AHCYL2: variants seen among roughly 807,000 people sequenced by gnomAD.
AHCYL2 encodes the protein adenosylhomocysteinase like 2, also known as S-adenosylhomocysteine hydrolase-like protein 2.
In AHCYL2, 28 loss-of-function variants were observed where a neutral mutation model predicts 81.4. The observed-to-expected ratio is 0.34, with a 90% CI of 0.25 to 0.47. The LOEUF (loss-of-function observed/expected upper bound fraction) is 0.47, where lower values mean the gene tolerates loss of function less well. Ranked by LOEUF, AHCYL2 falls within the 20% of genes least tolerant of loss-of-function variation. The pLI is 1.00. For missense variants in AHCYL2, 551 were observed against 785.1 expected (o/e 0.70, Z 3.56); for synonymous variants, 272 against 290.2 (o/e 0.94, Z 0.64).
intron 1 of AHCYL2, among the ~76,000 whole-genome samples, chr7:129,330,597 A>T (rs1336227891): frequency 4.0e-5 from 6 of 151,496 alleles, no homozygotes; most frequent in Non-Finnish European, 8.8e-5. Context: ...CAGCCTCCTG[A>T]GTAGCTGGGA....
At chr7:129,241,876 GAAAA>G (rs1306800689) in intron 1 of AHCYL2, among the ~76,000 whole-genome samples, 1 of 149,808 alleles carries the variant, frequency 6.7e-6, no homozygotes, top group Non-Finnish European at 1.5e-5. Flanking sequence ...AAGGGAGACA[GAAAA>G]AAAAAAAAAA....
intron 1 of AHCYL2, among the ~76,000 whole-genome samples, chr7:129,318,787 AT>A (rs57502201): frequency 0.038 from 5,528 of 147,088 alleles, 290 homozygotes; most frequent in African/African-American, 0.13. Flanking sequence ...AATAGACTGT[AT>A]TTTTTTTTTT....
chr7:129,277,791 C>T (rs778724430), intron 1 of AHCYL2, among the ~76,000 whole-genome samples: 2 of 152,152 alleles, frequency 1.3e-5, no homozygotes, highest in Non-Finnish European at 2.9e-5. Flanking sequence ...TTTTTCATTG[C>T]ATAGTAGTAC....
At chr7:129,377,492 G>A (rs1252363268) in intron 1 of AHCYL2, 1 of 455,148 alleles carries the variant, frequency 2.2e-6, no homozygotes, top group South Asian at 1.6e-5. Context: ...ATTTGGCATT[G>A]GTCCCTTGTC....
chr7:129,423,362 C>T (rs1797205607), intron 13 of AHCYL2, among the ~76,000 whole-genome samples: 1 of 152,170 alleles, frequency 6.6e-6, no homozygotes, highest in African/African-American at 2.4e-5. Flanking sequence ...GATAGATTCC[C>T]TGTTTTTGAA....
chr7:129,350,636 C>T (rs189368802), intron 1 of AHCYL2, among the ~76,000 whole-genome samples: 6 of 151,824 alleles, frequency 4.0e-5, no homozygotes, highest in South Asian at 2.1e-4. Flanking sequence ...CCTCCTGCCT[C>T]GGCCTTCCAA....
intron 1 of AHCYL2, among the ~76,000 whole-genome samples, chr7:129,268,174 T>G (rs1795883740): frequency 6.6e-6 from 1 of 152,216 alleles, no homozygotes; most frequent in African/African-American, 2.4e-5. Context: ...CAGTCATGAC[T>G]GATTTTTAAG....
chr7:129,413,662 G>A lies in AHCYL2; in HGVS notation c.1435G>A (p.Gly479Arg). Residue 479 changes from glycine (G) to arginine (R), a missense_variant, in exon 12 of 17, where the codon GGA becomes AGA. Physicochemically the swap from Gly to Arg is moderately radical, Grantham distance 125. This residue lies in a region of AHCYL2 where 316 missense variants were observed against 543.1 expected (regional missense o/e 0.58). Transcript: ENST00000325006. ...MKNSCIVCNM[G>R]HSNTEIDVAS... is the part of the protein sequence containing the mutation. ...GAATAGCTGCATCGTTTGTAACATG[G>A]GACATTCCAACACAGAGATTGACGT... The A allele has an allele frequency of 6.2e-7, 1 of 1,614,024 alleles. No homozygotes were observed. The highest frequency in any genetic ancestry group is 8.5e-7 in the Non-Finnish European group (1 of 1,180,008).
At chr7:129,290,652 C>T (rs772111219) in intron 1 of AHCYL2, among the ~76,000 whole-genome samples, 17 of 150,682 alleles carry the variant, frequency 1.1e-4, no homozygotes, top group African/African-American at 1.5e-4. Flanking sequence ...TGAATGTGGC[C>T]GGGCGTGGTG....
chr7:129,310,562 A>C (rs1028531831), intron 1 of AHCYL2, among the ~76,000 whole-genome samples: 1 of 152,216 alleles, frequency 6.6e-6, no homozygotes, highest in Non-Finnish European at 1.5e-5. Flanking sequence ...GAGGGGAATT[A>C]AGTGTTAAAT....
At chr7:129,335,949 TG>T (rs1338539737) in intron 1 of AHCYL2, among the ~76,000 whole-genome samples, 1 of 152,198 alleles carries the variant, frequency 6.6e-6, no homozygotes, top group African/African-American at 2.4e-5. Context: ...GGGGGCCACG[TG>T]TTTAAAACTG....
At chr7:129,398,679 G>A (rs1795868129) in intron 5 of AHCYL2, among the ~76,000 whole-genome samples, 2 of 151,602 alleles carry the variant, frequency 1.3e-5, no homozygotes, top group South Asian at 4.2e-4. Context: ...GCACCCGGCT[G>A]CCCCATTTTT....
intron 1 of AHCYL2, among the ~76,000 whole-genome samples, chr7:129,320,199 G>A (rs1229313387): frequency 8.6e-5 from 13 of 151,954 alleles, no homozygotes; most frequent in Admixed American, 7.9e-4. Context: ...TTTTTAATTG[G>A]GTTGTTTGTC....
At position 129,426,664 on chromosome 7, in the gene AHCYL2, T is replaced by C. The variant is rs1797378922; in HGVS notation, c.1829+101T>C. On this transcript the variant is annotated intron_variant, in intron 16 of 16. Coordinates refer to ENST00000325006, the MANE Select transcript of AHCYL2 (RefSeq NM_015328.4). The surrounding 1 kb of genome is among the most constrained non-coding windows in gnomAD (Gnocchi z 4.3). ...CCCAACCACATATGCTTACATGAACTCAGAAAAATGAACCCACTTCCCCTC... is the reference window on the plus strand; with the variant it reads ...CCCAACCACATATGCTTACATGAACCCAGAAAAATGAACCCACTTCCCCTC... The C allele has an allele frequency of 1.3e-6, 2 of 1,484,406 alleles. No homozygotes were observed. Among genetic ancestry groups the C allele is most frequent in the Non-Finnish European group, 1.8e-6 (2 of 1,111,306 alleles). The allele number at this position is 1,484,406 out of a possible 1,614,324, so 92.0% of individuals were successfully genotyped here. A position where few individuals can be genotyped will look rare whatever the true frequency, so the allele number is the denominator to read the frequency against.
rs577031269 is a variant in AHCYL2, at chr7:129,321,630, A to G, written c.364-58008A>G. Among the ~76,000 whole-genome samples the G allele has an allele frequency of 1.5e-3, 233 of 151,160 alleles. 1 individual carries two copies. The highest frequency in any genetic ancestry group is 4.2e-3 in the Admixed American group (63 of 15,154). ...TAGTCTGTGGTTTTCTTCTCTTACT[A>G]TGTCTTTCTATGGTTTTGGTATATG... On this transcript the variant is annotated intron_variant, in intron 1 of 16. Coordinates refer to ENST00000325006, the MANE Select transcript of AHCYL2 (RefSeq NM_015328.4).
chr7:129,315,450 C>A (rs1332909706), intron 1 of AHCYL2, among the ~76,000 whole-genome samples: 1 of 152,178 alleles, frequency 6.6e-6, no homozygotes, highest in Non-Finnish European at 1.5e-5. Context: ...CAGCACTCTG[C>A]CTTTGCTCTG....
intron 1 of AHCYL2, among the ~76,000 whole-genome samples, chr7:129,298,225 T>C (rs1797122060): frequency 6.6e-6 from 1 of 152,172 alleles, no homozygotes; most frequent in African/African-American, 2.4e-5. Flanking sequence ...TCATATTATA[T>C]AGGGAGTGGG....
intron 2 of AHCYL2, among the ~76,000 whole-genome samples, chr7:129,387,577 G>A (rs909064813): frequency 2.6e-5 from 4 of 152,178 alleles, no homozygotes; most frequent in Non-Finnish European, 4.4e-5. Context: ...AATCTGGATC[G>A]GGATTAGAGA....
chr7:129,341,702 A>T (rs1793191416), intron 1 of AHCYL2, among the ~76,000 whole-genome samples: 1 of 152,186 alleles, frequency 6.6e-6, no homozygotes, highest in Non-Finnish European at 1.5e-5. Context: ...TGTGTAAGTC[A>T]TTGATAGCAG....
Sources: gnomAD v4.1 joint callset for allele counts (sites outside exome capture counted in the v4.1 genomes callset) on GRCh38, gnomAD v4.1.1 for gene constraint, gnomAD v4.1.1 regional missense constraint, Gnocchi (gnomAD v3.1) non-coding constraint, MANE v1.5 for transcripts, NCBI Gene and HGNC (gene_info 2026-07-23, HGNC 2026-07-21) for gene names.